The following WWOX variants were observed in gnomAD, a reference collection of about 807,000 sequenced individuals.
WWOX encodes WW domain-containing oxidoreductase.
A neutral mutation model predicts 46.2 loss-of-function variants in WWOX; 69 were observed. That is an observed-to-expected ratio of 1.49 (90% CI 1.23 to 1.82). WWOX has a LOEUF of 1.82. Ranked by LOEUF, WWOX falls within the 40% of genes most tolerant of loss-of-function variation. The probability of loss-of-function intolerance (pLI) is 0.00; values close to 1 mark genes in which losing one functional copy is unlikely to be tolerated. For missense variants in WWOX, 919 were observed against 542.6 expected (o/e 1.69, Z -6.89); for synonymous variants, 359 against 202.6 (o/e 1.77, Z -6.56).
intron 5 of WWOX, among the ~76,000 whole-genome samples, chr16:78,179,023 G>A (rs2035442508): frequency 6.6e-6 from 1 of 152,188 alleles, no homozygotes; most frequent in African/African-American, 2.4e-5. Context: ...GCACTTGGCA[G>A]GGGTGTTCAT....
chr16:78,366,909 G>A (rs1183647669), intron 5 of WWOX, among the ~76,000 whole-genome samples: 2 of 151,150 alleles, frequency 1.3e-5, no homozygotes, highest in African/African-American at 4.9e-5. Context: ...AGCCTGGGGG[G>A]TGGATGTAGG....
At chr16:78,334,924 TAAA>T (rs538880972) in intron 5 of WWOX, among the ~76,000 whole-genome samples, 10 of 140,492 alleles carry the variant, frequency 7.1e-5, no homozygotes, top group Non-Finnish European at 1.2e-4. Flanking sequence ...CATCTTTTTT[TAAA>T]AAAAAAAAAA....
intron 8 of WWOX, among the ~76,000 whole-genome samples, chr16:78,438,114 A>G (rs888213163): frequency 2.0e-5 from 3 of 152,194 alleles, no homozygotes; most frequent in Non-Finnish European, 4.4e-5. Flanking sequence ...CCAAATAGAG[A>G]TGCAGATTGA....
At chr16:78,389,682 G>A (rs2082138147) in intron 6 of WWOX, among the ~76,000 whole-genome samples, 1 of 152,088 alleles carries the variant, frequency 6.6e-6, no homozygotes, top group African/African-American at 2.4e-5. Flanking sequence ...AATGTGGGTA[G>A]AGGGGCCGAT....
rs555365001 is a variant in WWOX at position 78,834,172 on chromosome 16, C to T, written c.1057-377436C>T. On this transcript the variant is annotated intron_variant, in intron 8 of 8. Coordinates refer to ENST00000566780, the MANE Select transcript of WWOX (RefSeq NM_016373.4). ...GAATAACAACAGGATAGGAACATTC[C>T]CTTCTTCTCATAAATCTTGTAAATT... 8.3e-4 allele frequency among the ~76,000 whole-genome samples: 127 copies of T among 152,248 alleles called. 1 individual carries two copies. In the South Asian group the frequency reaches 0.025, roughly 30 times the overall value.
intron 8 of WWOX, among the ~76,000 whole-genome samples, chr16:78,684,191 G>C (rs2047801733): frequency 6.6e-6 from 1 of 152,138 alleles, no homozygotes; most frequent in Non-Finnish European, 1.5e-5. Flanking sequence ...GAAATCCACT[G>C]GCATGAGTCA....
rs542865969 is a variant in WWOX, at chr16:78,568,892, T to G, written c.1056+136140T>G. Reference sequence around the variant, plus strand: ...ACACGTTTTACGGGCTATCAGTAGATGCATCTAATAATCCTAACACTGTCA... The same window carrying G: ...ACACGTTTTACGGGCTATCAGTAGAGGCATCTAATAATCCTAACACTGTCA... On this transcript the variant is annotated intron_variant, in intron 8 of 8. Transcript: ENST00000566780. Among the ~76,000 whole-genome samples, 6 of 152,356 alleles carry G rather than the reference T, an allele frequency of 3.9e-5. No homozygotes were observed. In the South Asian group the frequency reaches 1.0e-3, roughly 26 times the overall value.
At chr16:78,528,355 C>G (rs1266596119) in intron 8 of WWOX, among the ~76,000 whole-genome samples, 1 of 151,508 alleles carries the variant, frequency 6.6e-6, no homozygotes, top group Admixed American at 6.6e-5. Context: ...GTCCAACCTC[C>G]TGTACTATGA....
At chr16:78,382,474 G>T (rs551234025) in intron 5 of WWOX, among the ~76,000 whole-genome samples, 9 of 152,114 alleles carry the variant, frequency 5.9e-5, no homozygotes, top group Non-Finnish European at 8.8e-5. Context: ...CATAATTCTG[G>T]GTTATTCTAA....
At chr16:78,939,971 TA>T (rs1266396934) in intron 8 of WWOX, among the ~76,000 whole-genome samples, 1 of 152,240 alleles carries the variant, frequency 6.6e-6, no homozygotes, top group Non-Finnish European at 1.5e-5. Context: ...GGTTAGACCA[TA>T]AACTACATAA....
chr16:79,009,748 G>A (rs978128250), intron 8 of WWOX, among the ~76,000 whole-genome samples: 1 of 152,026 alleles, frequency 6.6e-6, no homozygotes, highest in Admixed American at 6.6e-5. Context: ...ACCGCTCCTG[G>A]CACCCATCAA....
intron 5 of WWOX, among the ~76,000 whole-genome samples, chr16:78,231,220 C>G (rs1394587380): frequency 1.3e-5 from 2 of 152,184 alleles, no homozygotes; most frequent in Admixed American, 1.3e-4. Context: ...CAAACTCTTT[C>G]AAAGCCTTTT....
chr16:78,724,969 G>T (rs894843272), intron 8 of WWOX, among the ~76,000 whole-genome samples: 1 of 152,142 alleles, frequency 6.6e-6, no homozygotes, highest in East Asian at 1.9e-4. Flanking sequence ...TTGCATTAAT[G>T]CACTTTATTG....
At chr16:78,484,960 G>A (rs2738694) in intron 8 of WWOX, among the ~76,000 whole-genome samples, 28,978 of 151,810 alleles carry the variant, frequency 0.19, 2,955 homozygotes, top group African/African-American at 0.25. Context: ...ACCTGGCAAG[G>A]CACGCTCTGC....
chr16:78,208,651 T>C (rs1046666266), intron 5 of WWOX, among the ~76,000 whole-genome samples: 6 of 152,346 alleles, frequency 3.9e-5, no homozygotes, highest in Admixed American at 2.0e-4. Context: ...AAGCTGTGCA[T>C]AACACACTCC....
chr16:78,408,134 C>G (rs1049410247), intron 6 of WWOX, among the ~76,000 whole-genome samples: 1 of 152,156 alleles, frequency 6.6e-6, no homozygotes, highest in Non-Finnish European at 1.5e-5. Flanking sequence ...AGTTTAAAGA[C>G]TGAAAGCCAA....
At chr16:78,599,286 A>G (rs1458417034) in intron 8 of WWOX, among the ~76,000 whole-genome samples, 1 of 152,144 alleles carries the variant, frequency 6.6e-6, no homozygotes, top group Non-Finnish European at 1.5e-5. Context: ...AACCTCCGGG[A>G]TCTCTCAGGG....
chr16:78,616,061 TAAG>T lies in WWOX; in HGVS notation c.1056+183317_1056+183319del, dbSNP rs562408377. Among the ~76,000 whole-genome samples the T allele has an allele frequency of 4.6e-3, 695 of 152,254 alleles. 6 individuals are homozygous for T. The highest frequency in any genetic ancestry group is 0.016 in the African/African-American group (657 of 41,550). On this transcript the variant is annotated intron_variant, in intron 8 of 8. Transcript: ENST00000566780. ...TACTGTGCCTGGCCAGGATAATCTT[TAAG>T]AAGAAGATAACATTAGCTATTCTTC...
At chr16:78,465,784 C>G (rs985094144) in intron 8 of WWOX, among the ~76,000 whole-genome samples, 1 of 152,090 alleles carries the variant, frequency 6.6e-6, no homozygotes, top group Non-Finnish European at 1.5e-5. Context: ...AAAATGTATT[C>G]TGTGTTTCAT....
Sources: gnomAD v4.1 joint callset for allele counts (sites outside exome capture counted in the v4.1 genomes callset) on GRCh38, gnomAD v4.1.1 for gene constraint, MANE v1.5 for transcripts, NCBI Gene and HGNC (gene_info 2026-07-23, HGNC 2026-07-21) for gene names.